The following DCC variants were observed in gnomAD, a reference collection of about 807,000 sequenced individuals.
The protein encoded by DCC is netrin receptor DCC.
Under a neutral mutation model 172.5 loss-of-function variants are expected in DCC, and 58 were observed. The observed-to-expected ratio is 0.34, with a 90% CI of 0.27 to 0.42. The LOEUF is 0.42. DCC is among the 10% of genes least tolerant of loss of function. The probability of loss-of-function intolerance (pLI) is 1.00; values close to 1 mark genes in which losing one functional copy is unlikely to be tolerated. For synonymous variants in DCC, 709 were observed against 644.5 expected, an observed-to-expected ratio of 1.10 and a Z score of -1.52; for missense variants, 1,740 against 1,791.0, an observed-to-expected ratio of 0.97 and a Z score of 0.51.
intron 7 of DCC, among the ~76,000 whole-genome samples, chr18:53,139,062 C>G (rs1486888463): frequency 6.6e-6 from 1 of 152,200 alleles, no homozygotes; most frequent in Non-Finnish European, 1.5e-5. Context: ...TACTTCTGCA[C>G]TATCCAATGT....
chr18:52,899,794 G>T (rs191719245), intron 2 of DCC, among the ~76,000 whole-genome samples: 23 of 151,956 alleles, frequency 1.5e-4, no homozygotes, highest in Admixed American at 1.5e-3. Flanking sequence ...CCACTCCAAG[G>T]CTCCTCTAAC....
At chr18:52,850,555 C>T (rs1344545831) in intron 2 of DCC, among the ~76,000 whole-genome samples, 1 of 152,032 alleles carries the variant, frequency 6.6e-6, no homozygotes, top group Non-Finnish European at 1.5e-5. Context: ...GAACGTATGA[C>T]TACAATGTGT....
chr18:52,861,011 CA>C (rs74178687), intron 2 of DCC, among the ~76,000 whole-genome samples: 21,974 of 120,828 alleles, frequency 0.18, 1,545 homozygotes, highest in South Asian at 0.31. Context: ...GAATCCATTT[CA>C]AAAAAAAAAA....
intron 2 of DCC, among the ~76,000 whole-genome samples, chr18:52,759,611 G>A (rs529678968): frequency 3.9e-5 from 6 of 152,164 alleles, no homozygotes; most frequent in Admixed American, 2.6e-4. Flanking sequence ...CTCAGTAATA[G>A]TAACCAAAAA....
intron 2 of DCC, among the ~76,000 whole-genome samples, chr18:52,772,042 CT>C (rs1297134281): frequency 6.6e-6 from 1 of 152,086 alleles, no homozygotes; most frequent in Admixed American, 6.6e-5. Flanking sequence ...ATAATATCCT[CT>C]TTTTTTCCTA....
chr18:53,364,100 C>T (rs2057976327), intron 15 of DCC, among the ~76,000 whole-genome samples: 1 of 152,108 alleles, frequency 6.6e-6, no homozygotes, highest in Non-Finnish European at 1.5e-5. Context: ...GAGGAAATCA[C>T]TATTGCCAAT....
intron 15 of DCC, among the ~76,000 whole-genome samples, chr18:53,384,314 G>C (rs985889870): frequency 1.3e-5 from 2 of 152,068 alleles, no homozygotes; most frequent in African/African-American, 4.8e-5. Flanking sequence ...GTTATATAAA[G>C]CCTGATAATC....
At chr18:53,510,794 T>C (rs2144529342) in intron 27 of DCC, among the ~76,000 whole-genome samples, 1 of 152,260 alleles carries the variant, frequency 6.6e-6, no homozygotes, top group South Asian at 2.1e-4. Flanking sequence ...TTTACTCCTA[T>C]TCCTTCTTCT....
intron 1 of DCC, among the ~76,000 whole-genome samples, chr18:52,418,282 C>T (rs868484815): frequency 4.6e-5 from 7 of 152,134 alleles, no homozygotes; most frequent in African/African-American, 1.7e-4. Flanking sequence ...GAGAATGTAG[C>T]TCTTCTCCAT....
At chr18:52,470,288 A>G (rs969244640) in intron 1 of DCC, among the ~76,000 whole-genome samples, 1 of 152,210 alleles carries the variant, frequency 6.6e-6, no homozygotes, top group Non-Finnish European at 1.5e-5. Context: ...GTACAAAAGA[A>G]CATTTTTAGT....
At chr18:53,074,840 G>A (rs1235507145) in intron 7 of DCC, among the ~76,000 whole-genome samples, 2 of 152,014 alleles carry the variant, frequency 1.3e-5, no homozygotes. Flanking sequence ...GGAATATAGT[G>A]TATATTTATG....
Position 52,708,172 on chromosome 18 carries a change from T to G in DCC, c.92-43882T>G, listed in dbSNP as rs138254549. Reference sequence around the variant, plus strand: ...GAAAAAAAATTTTGGCTGGGCACAGTGGCTCACGCCTGTAATCCCAGCACT... The same window carrying G: ...GAAAAAAAATTTTGGCTGGGCACAGGGGCTCACGCCTGTAATCCCAGCACT... On this transcript the variant is annotated intron_variant, in intron 1 of 28. Coordinates refer to ENST00000442544, the MANE Select transcript of DCC (RefSeq NM_005215.4). Among the ~76,000 whole-genome samples the G allele has an allele frequency of 9.4e-3, 1,439 of 152,292 alleles. 15 individuals carry two copies. Among genetic ancestry groups the G allele is most frequent in the Middle Eastern group, 0.024 (7 of 294 alleles).
intron 13 of DCC, among the ~76,000 whole-genome samples, chr18:53,312,669 C>T (rs1167416241): frequency 6.7e-6 from 1 of 148,796 alleles, no homozygotes; most frequent in Non-Finnish European, 1.5e-5. Flanking sequence ...ATTAGCCGGG[C>T]GTCGTGGCAG....
chr18:53,321,857 A>G (rs2057414930), intron 13 of DCC, among the ~76,000 whole-genome samples, 190 bp from the exon 14 acceptor site: 2 of 152,258 alleles, frequency 1.3e-5, no homozygotes. Context: ...ATAAGAATGT[A>G]TAAAAATTAA....
chr18:52,803,644 C>G (rs116627384), intron 2 of DCC, among the ~76,000 whole-genome samples: 1 of 152,064 alleles, frequency 6.6e-6, no homozygotes, highest in Non-Finnish European at 1.5e-5. Context: ...CAAATTATTG[C>G]AAATCTCCAA....
At chr18:52,958,199 TTTA>T (rs1397637236) in intron 5 of DCC, among the ~76,000 whole-genome samples, 1 of 152,176 alleles carries the variant, frequency 6.6e-6, no homozygotes, top group South Asian at 2.1e-4. Context: ...CTTCTATCCT[TTTA>T]TTATTTTGTA....
chr18:53,469,195 C>A (rs1197838223), intron 25 of DCC, among the ~76,000 whole-genome samples: 2 of 152,168 alleles, frequency 1.3e-5, no homozygotes, highest in African/African-American at 4.8e-5. Context: ...TTATTATCTT[C>A]AGTCTCATCT....
At chr18:53,195,192 C>G (rs1048369413) in intron 9 of DCC, among the ~76,000 whole-genome samples, 1 of 152,070 alleles carries the variant, frequency 6.6e-6, no homozygotes, top group Admixed American at 6.5e-5. Flanking sequence ...TCAATCCTAC[C>G]TGAAATGTTT....
intron 3 of DCC, among the ~76,000 whole-genome samples, chr18:52,913,725 T>C (rs988176919): frequency 1.3e-5 from 2 of 152,078 alleles, no homozygotes; most frequent in Non-Finnish European, 2.9e-5. Context: ...TTTCTGCATT[T>C]ACTTATGAAT....
Sources: gnomAD v4.1 joint callset for allele counts (sites outside exome capture counted in the v4.1 genomes callset) on GRCh38, gnomAD v4.1.1 for gene constraint, MANE v1.5 for transcripts, NCBI Gene and HGNC (gene_info 2026-07-23, HGNC 2026-07-21) for gene names.